Variants in STAT1 observed in about 807,000 individuals in gnomAD.
STAT1 encodes the protein signal transducer and activator of transcription 1, also known as signal transducer and activator of transcription 1-alpha/beta.
A neutral mutation model predicts 111.7 loss-of-function variants in STAT1; 24 were observed. That is an observed-to-expected ratio of 0.21 (90% confidence interval 0.16 to 0.30). The LOEUF is 0.30. STAT1 is among the 10% of genes least tolerant of loss of function. The probability of loss-of-function intolerance (pLI) is 1.00; values close to 1 mark genes in which losing one functional copy is unlikely to be tolerated. For missense variants in STAT1, 351 were observed against 911.9 expected, an observed-to-expected ratio of 0.38 and a Z score of 7.92; for synonymous variants, 332 against 326.5, an observed-to-expected ratio of 1.02 and a Z score of -0.18.
At position 190,973,358 on chromosome 2, in the gene STAT1, G is replaced by A. The variant is rs1430585024; in HGVS notation, c.2238+1472C>T. 6.6e-6 allele frequency among the ~76,000 whole-genome samples: 1 copy of A among 152,274 alleles called. No individual in the cohort carries two copies. Among genetic ancestry groups the A allele is most frequent in the South Asian group, 2.1e-4 (1 of 4,822 alleles). The stretch of plus-strand genomic sequence containing the variant: ...AAGTTACATAAAAGGGGCTGTGTGG[G>A]GAGGAGGGGCTCTGTTCCCACATCT... On this transcript the variant is annotated intron_variant, in intron 24 of 24. Transcript: ENST00000361099. The surrounding 1 kb of genome is among the most constrained non-coding windows in gnomAD (Gnocchi z 4.4).
In STAT1 at chr2:190,999,708, C is replaced by A. The variant is rs367840028; in HGVS notation, c.463-4G>T. The A allele has an allele frequency of 2.2e-5, 36 of 1,606,306 alleles. No individual in the cohort carries two copies. Among genetic ancestry groups the A allele is most frequent in the Non-Finnish European group, 3.1e-5 (36 of 1,173,272 alleles). ...TCTTGATTTCATGCTCTATACACTA[C>A]AAACAAAGATGTAAACATGTTTTCT... is the stretch of plus-strand genomic sequence containing the variant. On this transcript the variant is annotated splice_region_variant and splice_polypyrimidine_tract_variant and intron_variant, in intron 6 of 24. Coordinates refer to ENST00000361099, the MANE Select transcript of STAT1 (RefSeq NM_007315.4). This position sits in a 1 kb window ranked among gnomAD's most constrained non-coding sequence, Gnocchi z 4.1.
rs1259117657 is a variant in STAT1, at chr2:190,986,107, C to T, written c.1222-447G>A. On this transcript the variant is annotated intron_variant, in intron 14 of 24. Coordinates refer to ENST00000361099, the MANE Select transcript of STAT1 (RefSeq NM_007315.4). This position sits in a 1 kb window ranked among gnomAD's most constrained non-coding sequence, Gnocchi z 5.0. ...GAGCTGACGAGGGAGCAGGCTGGGG[C>T]CCTGAGGGCGGCTCTGAATACCCTC... Among the ~76,000 whole-genome samples, 1 of 152,162 alleles carries T rather than the reference C, an allele frequency of 6.6e-6. No individual in the cohort carries two copies. Among genetic ancestry groups the T allele is most frequent in the East Asian group, 1.9e-4 (1 of 5,180 alleles).
Position 190,981,290 on chromosome 2 carries a change from T to G in STAT1, c.1583-621A>C, listed in dbSNP as rs1174866593. ...CTAGATCTTCAATGTAACTGATACT[T>G]GACTTTACAAGTTTATTTTAGACAT... is the stretch of plus-strand genomic sequence containing the variant. On this transcript the variant is annotated intron_variant, in intron 18 of 24. Coordinates refer to ENST00000361099, the MANE Select transcript of STAT1 (RefSeq NM_007315.4). The surrounding 1 kb of genome is among the most constrained non-coding windows in gnomAD (Gnocchi z 4.1). Among the ~76,000 whole-genome samples, 3 of 152,202 alleles carry G rather than the reference T, an allele frequency of 2.0e-5. No individual in the cohort carries two copies. Among genetic ancestry groups the G allele is most frequent in the Non-Finnish European group, 4.4e-5 (3 of 68,034 alleles).
Position 190,975,640 on chromosome 2 carries a change from TTA to T in STAT1, c.2135+170_2135+171del. ...TTGGTTTTTGGCTTTTTTTTTTTTT[TTA>T]AAGTAGTAAAATGCTGATAGGCAGT... On this transcript the variant is annotated intron_variant, in intron 23 of 24. Transcript: ENST00000361099. The surrounding 1 kb of genome is among the most constrained non-coding windows in gnomAD (Gnocchi z 5.9). The T allele has an allele frequency of 1.4e-6, 2 of 1,445,482 alleles. No individual in the cohort carries two copies. Among genetic ancestry groups the T allele is most frequent in the Middle Eastern group, 2.5e-4 (1 of 3,992 alleles). 89.5% of individuals were successfully genotyped at this position (1,445,482 alleles called of 1,614,324 possible).
At position 190,989,893 on chromosome 2, in the gene STAT1, C is replaced by A. The variant is rs1442533213; in HGVS notation, c.1038-219G>T. 6.6e-6 allele frequency among the ~76,000 whole-genome samples: 1 copy of A among 152,188 alleles called. No individual in the cohort carries two copies. Among genetic ancestry groups the A allele is most frequent in the Non-Finnish European group, 1.5e-5 (1 of 68,030 alleles). On this transcript the variant is annotated intron_variant, in intron 11 of 24. Coordinates refer to ENST00000361099, the MANE Select transcript of STAT1 (RefSeq NM_007315.4). This position sits in a 1 kb window ranked among gnomAD's most constrained non-coding sequence, Gnocchi z 5.0. ...TGGAACCGCTTAGGAAAAATTGTAA[C>A]ACTAATTCTGACAGGATGCCGCCCT...
chr2:190,975,643 A>T lies in STAT1; in HGVS notation c.2135+169T>A, dbSNP rs77910835. ...GTTTTTGGCTTTTTTTTTTTTTTTA[A>T]AGTAGTAAAATGCTGATAGGCAGTA... is the stretch of plus-strand genomic sequence containing the variant. On this transcript the variant is annotated intron_variant, in intron 23 of 24. Coordinates refer to ENST00000361099, the MANE Select transcript of STAT1 (RefSeq NM_007315.4). The surrounding 1 kb of genome is among the most constrained non-coding windows in gnomAD (Gnocchi z 5.9). 5.1e-3 allele frequency: 7,267 copies of T among 1,434,182 alleles called. 163 individuals carry two copies. Among genetic ancestry groups the T allele is most frequent in the East Asian group, 0.051 (1,975 of 39,072 alleles). 88.8% of individuals were successfully genotyped at this position (1,434,182 alleles called of 1,614,324 possible).
chr2:191,002,988 A>G (rs533197408), intron 5 of STAT1, among the ~76,000 whole-genome samples: 1 of 152,284 alleles, frequency 6.6e-6, no homozygotes, highest in East Asian at 1.9e-4. Context: ...ATAATAAATC[A>G]TATTTGGTCA....
In STAT1 at chr2:190,979,234, A is replaced by G. The variant is rs1007166025; in HGVS notation, c.1728-233T>C. Among the ~76,000 whole-genome samples the G allele has an allele frequency of 6.6e-6, 1 of 152,268 alleles. No homozygotes were observed. The highest frequency in any genetic ancestry group is 1.5e-5 in the Non-Finnish European group (1 of 68,044). On this transcript the variant is annotated intron_variant, in intron 20 of 24. Coordinates refer to ENST00000361099, the MANE Select transcript of STAT1 (RefSeq NM_007315.4). The surrounding 1 kb of genome is among the most constrained non-coding windows in gnomAD (Gnocchi z 5.8). The stretch of plus-strand genomic sequence containing the variant: ...GAACATGGTGTCAGTAGGATGCTAC[A>G]GATGCTCAATAACACGTGTGGGATT...
rs968126336 is a variant in STAT1, at chr2:190,981,382, A to G, written c.1583-713T>C. On this transcript the variant is annotated intron_variant, in intron 18 of 24. Transcript: ENST00000361099. This position sits in a 1 kb window ranked among gnomAD's most constrained non-coding sequence, Gnocchi z 4.1. ...GGCTCAGGCAGTCTGATGCAAATCA[A>G]AAACCAAGTGAGAGAAACGAGAGGA... Among the ~76,000 whole-genome samples the G allele has an allele frequency of 6.6e-6, 1 of 152,254 alleles. No individual in the cohort carries two copies. The highest frequency in any genetic ancestry group is 1.5e-5 in the Non-Finnish European group (1 of 68,042).
chr2:190,987,991 G>T lies in STAT1; in HGVS notation c.1098-923C>A, dbSNP rs1692999150. Among the ~76,000 whole-genome samples the T allele has an allele frequency of 6.6e-6, 1 of 152,260 alleles. No individual in the cohort carries two copies. Among genetic ancestry groups the T allele is most frequent in the Admixed American group, 6.5e-5 (1 of 15,286 alleles). ...CAAGGGCCCGAAGCAGCTGAGAGGA[G>T]CTGAGCTGACGCAGAAGATGGTAAA... On this transcript the variant is annotated intron_variant, in intron 12 of 24. Coordinates refer to ENST00000361099, the MANE Select transcript of STAT1 (RefSeq NM_007315.4). This position sits in a 1 kb window ranked among gnomAD's most constrained non-coding sequence, Gnocchi z 4.0.
rs1355687099 is a variant in STAT1, at chr2:190,986,480, G to A, written c.1221+374C>T. ...AAGGGGAACACGGGGGCTGAGGAGTGAACCCTGGTGTACAGGACCACACTT... is the reference window on the plus strand; with the variant it reads ...AAGGGGAACACGGGGGCTGAGGAGTAAACCCTGGTGTACAGGACCACACTT... On this transcript the variant is annotated intron_variant, in intron 14 of 24. Transcript: ENST00000361099. This position sits in a 1 kb window ranked among gnomAD's most constrained non-coding sequence, Gnocchi z 5.0. Among the ~76,000 whole-genome samples, 1 of 152,192 alleles carries A rather than the reference G, an allele frequency of 6.6e-6. No homozygotes were observed.
At position 190,996,906 on chromosome 2, in the gene STAT1, T is replaced by C. The variant is rs1243924839; in HGVS notation, c.785+950A>G. Among the ~76,000 whole-genome samples the C allele has an allele frequency of 1.3e-5, 2 of 152,188 alleles. No homozygotes were observed. The highest frequency in any genetic ancestry group is 2.9e-5 in the Non-Finnish European group (2 of 68,032). ...CCAACTGGTCTTTCTGTCTCTATCC[T>C]ATCCTCCAGGCTGTGGCCAGAGTGC... On this transcript the variant is annotated intron_variant, in intron 9 of 24. Transcript: ENST00000361099. This position sits in a 1 kb window ranked among gnomAD's most constrained non-coding sequence, Gnocchi z 4.5.
At position 190,997,725 on chromosome 2, in the gene STAT1, A is replaced by G; in HGVS notation, c.785+131T>C. ...AAGGGAGTGTTTCCAGGGTAAGCAG[A>G]AGCTGGACTATGTCAAACTCTATAC... On this transcript the variant is annotated intron_variant, in intron 9 of 24. Transcript: ENST00000361099. This position sits in a 1 kb window ranked among gnomAD's most constrained non-coding sequence, Gnocchi z 7.3. The G allele has an allele frequency of 7.2e-7, 1 of 1,387,238 alleles. No individual in the cohort carries two copies. The highest frequency in any genetic ancestry group is 1.2e-5 in the South Asian group (1 of 83,334). 85.9% of individuals were successfully genotyped at this position (1,387,238 alleles called of 1,614,324 possible).
rs189947677 is a variant in STAT1 at position 190,983,113 on chromosome 2, A to G, written c.1446+529T>C. 1.1e-4 allele frequency among the ~76,000 whole-genome samples: 17 copies of G among 152,360 alleles called. No homozygotes were observed. In the East Asian group the frequency reaches 1.3e-3, roughly 12 times the overall value. On this transcript the variant is annotated intron_variant, in intron 17 of 24. Transcript: ENST00000361099. This position sits in a 1 kb window ranked among gnomAD's most constrained non-coding sequence, Gnocchi z 5.7. ...CTATAGGTGTAATGTTAATGCCTCA[A>G]CAAGTGTATTAGATAAGGTGTCTTT...
Position 190,992,698 on chromosome 2 carries a change from T to G in STAT1, c.945-1378A>C, listed in dbSNP as rs1017636369. On this transcript the variant is annotated intron_variant, in intron 10 of 24. Transcript: ENST00000361099. ...GTGCTCTGAATTTTAACACTGGACTTCTCAGCACCACCAGCTGTTGCTCCA... is the reference window on the plus strand; with the variant it reads ...GTGCTCTGAATTTTAACACTGGACTGCTCAGCACCACCAGCTGTTGCTCCA... The G allele has an allele frequency of 2.3e-6, 3 of 1,280,346 alleles. No individual in the cohort carries two copies. In the African/African-American group the frequency reaches 4.7e-5, roughly 20 times the overall value. 79.3% of individuals were successfully genotyped at this position (1,280,346 alleles called of 1,614,324 possible).
intron 2 of STAT1, among the ~76,000 whole-genome samples, chr2:191,011,907 A>G (rs1695149811): frequency 6.6e-6 from 1 of 151,982 alleles, no homozygotes; most frequent in South Asian, 2.1e-4. Flanking sequence ...CGAGCCAAGA[A>G]GCCTGGCTAA....
rs114759424 is a variant in STAT1 at position 190,986,555 on chromosome 2, G to T, written c.1221+299C>A. The stretch of plus-strand genomic sequence containing the variant: ...CATAACCTTTGAGAAAACTGCAAGC[G>T]TAGGTGAGTGACCGTGGGGATCATG... On this transcript the variant is annotated intron_variant, in intron 14 of 24. Transcript: ENST00000361099. This position sits in a 1 kb window ranked among gnomAD's most constrained non-coding sequence, Gnocchi z 5.0. Among the ~76,000 whole-genome samples, 1 of 152,204 alleles carries T rather than the reference G, an allele frequency of 6.6e-6. No individual in the cohort carries two copies. The highest frequency in any genetic ancestry group is 1.5e-5 in the Non-Finnish European group (1 of 68,040).
rs41514544 is a variant in STAT1 at position 191,000,048 on chromosome 2, G to A, written c.463-344C>T. On this transcript the variant is annotated intron_variant, in intron 6 of 24. Transcript: ENST00000361099. This position sits in a 1 kb window ranked among gnomAD's most constrained non-coding sequence, Gnocchi z 4.8. ...CTCCACTGTGAAGCCCACAGCAGGC[G>A]GGGAAAAAGCTCACAGAAAATTTCC... 0.034 allele frequency among the ~76,000 whole-genome samples: 5,245 copies of A among 152,250 alleles called. 288 individuals carry two copies. Among genetic ancestry groups the A allele is most frequent in the African/African-American group, 0.12 (4,862 of 41,544 alleles).
At position 191,003,013 on chromosome 2, in the gene STAT1, G is replaced by A. The variant is rs551350371; in HGVS notation, c.373-1850C>T. On this transcript the variant is annotated intron_variant, in intron 5 of 24. Transcript: ENST00000361099. The surrounding 1 kb of genome is among the most constrained non-coding windows in gnomAD (Gnocchi z 4.0). ...ATATTTGGTCATGTCCTTTCTTAAT[G>A]TAGTATTTAATTCTGATCCCTAATA... is the stretch of plus-strand genomic sequence containing the variant. Among the ~76,000 whole-genome samples the A allele has an allele frequency of 6.6e-6, 1 of 152,256 alleles. No individual in the cohort carries two copies. The highest frequency in any genetic ancestry group is 1.9e-4 in the East Asian group (1 of 5,182).
Sources: gnomAD v4.1 joint callset for allele counts (sites outside exome capture counted in the v4.1 genomes callset) on GRCh38, gnomAD v4.1.1 for gene constraint, Gnocchi (gnomAD v3.1) non-coding constraint, MANE v1.5 for transcripts, NCBI Gene and HGNC (gene_info 2026-07-23, HGNC 2026-07-21) for gene names.